The following DNAH8 variants were observed in gnomAD, a reference collection of about 807,000 sequenced individuals.
DNAH8 encodes dynein axonemal heavy chain 8.
In DNAH8, 382 loss-of-function variants were observed where a neutral mutation model predicts 562.1. That is an observed-to-expected ratio of 0.68 (90% CI 0.63 to 0.74). The LOEUF (loss-of-function observed/expected upper bound fraction) is 0.74. Ranked by LOEUF, DNAH8 falls within the 30% of genes least tolerant of loss-of-function variation. The probability of loss-of-function intolerance (pLI) is 0.00; values close to 1 mark genes in which losing one functional copy is unlikely to be tolerated. For synonymous variants in DNAH8, 1,881 were observed against 1,919.4 expected, an observed-to-expected ratio of 0.98 and a Z score of 0.52; for missense variants, 5,203 against 5,620.4, an observed-to-expected ratio of 0.93 and a Z score of 2.37.
chr6:39,030,219 A>G lies in DNAH8; in HGVS notation c.13951A>G (p.Ile4651Val), dbSNP rs139155514. The G allele has an allele frequency of 5.6e-6, 9 of 1,614,012 alleles. No homozygotes were observed. Among genetic ancestry groups the G allele is most frequent in the East Asian group, 2.2e-5 (1 of 44,890 alleles). Residue 4651 changes from isoleucine to valine, a missense_variant, in exon 93 of 93, where the codon ATC becomes GTC. Ile to Val is a conservative substitution (Grantham distance 29). Around this residue, in one of 6 missense-constraint regions of DNAH8, gnomAD observed 1,399 missense variants for 1,518.4 expected, o/e 0.92. Coordinates refer to ENST00000327475, the MANE Select transcript of DNAH8 (RefSeq NM_001206927.2). ...CTTCACGCAGTTACCCGTGCTCCAC[A>G]TCTTTGCCATTAACTCCACGGCACC... is the stretch of plus-strand genomic sequence containing the variant. Reference protein sequence around the residue: ...VLFTQLPVLHIFAINSTAPKD... With the variant: ...VLFTQLPVLHVFAINSTAPKD...
chr6:38,878,643 C>T (rs982852372), intron 53 of DNAH8, among the ~76,000 whole-genome samples: 1 of 152,158 alleles, frequency 6.6e-6, no homozygotes, highest in Non-Finnish European at 1.5e-5. Flanking sequence ...AACATCACTA[C>T]AGTCCTCACA....
chr6:38,867,532 C>T (rs1233972548), intron 47 of DNAH8, among the ~76,000 whole-genome samples: 3 of 150,304 alleles, frequency 2.0e-5, no homozygotes, highest in Non-Finnish European at 3.0e-5. Flanking sequence ...ATCATGAGGT[C>T]GGGAGATCGA....
At chr6:38,794,211 C>T (rs555375534) in intron 21 of DNAH8, among the ~76,000 whole-genome samples, 2 of 152,276 alleles carry the variant, frequency 1.3e-5, no homozygotes, top group Admixed American at 1.3e-4. Flanking sequence ...CACTCTTTCC[C>T]TGAGGGCCTA....
intron 61 of DNAH8, 32 bp downstream of exon 61, chr6:38,898,412 T>G (rs763839927): frequency 2.0e-6 from 3 of 1,499,968 alleles, no homozygotes; most frequent in Non-Finnish European, 2.7e-6. Context: ...CTGATATAAA[T>G]AGATGATTTA....
intron 7 of DNAH8, among the ~76,000 whole-genome samples, chr6:38,739,524 T>C (rs2127583466): frequency 6.6e-6 from 1 of 152,242 alleles, no homozygotes; most frequent in African/African-American, 2.4e-5. Flanking sequence ...AAATAGAACA[T>C]GGCTAGGCAT....
chr6:38,847,214 G>GT (rs1775370785), intron 36 of DNAH8, among the ~76,000 whole-genome samples: 1 of 152,132 alleles, frequency 6.6e-6, no homozygotes, highest in East Asian at 1.9e-4. Context: ...ACACAAAGTT[G>GT]TACAATGCAG....
chr6:38,937,500 G>A (rs1488898223), intron 77 of DNAH8, among the ~76,000 whole-genome samples: 1 of 152,186 alleles, frequency 6.6e-6, no homozygotes, highest in Non-Finnish European at 1.5e-5. Flanking sequence ...CTAAAGCAGT[G>A]TGAGGAGTGT....
At chr6:38,824,239 T>A (rs947794253) in intron 28 of DNAH8, among the ~76,000 whole-genome samples, 2 of 152,210 alleles carry the variant, frequency 1.3e-5, no homozygotes, top group Admixed American at 6.5e-5. Flanking sequence ...CAGGGCAGAC[T>A]GCTAGTCTCA....
rs1432139683 is a variant in DNAH8, at chr6:38,973,711, A to G, written c.12576A>G (p.Glu4192=). The G allele has an allele frequency of 1.2e-6, 2 of 1,608,480 alleles. No individual in the cohort carries two copies. Among genetic ancestry groups the G allele is most frequent in the South Asian group, 1.1e-5 (1 of 89,990 alleles). ...GCCACCTTGGCCTGGAATTCATGGAAGAATTACTAGAGACGCTAATTACCA... is the reference window on the plus strand; with the variant it reads ...GCCACCTTGGCCTGGAATTCATGGAGGAATTACTAGAGACGCTAATTACCA... The part of the protein sequence containing the change: ...QNCHLGLEFM[E]ELLETLITTE... Residue 4192 remains glutamate (E), a synonymous_variant, in exon 84 of 93, where the codon GAA becomes GAG. Transcript: ENST00000327475.
intron 53 of DNAH8, among the ~76,000 whole-genome samples, chr6:38,881,554 T>TTG (rs1054571227): frequency 4.7e-5 from 7 of 150,436 alleles, no homozygotes; most frequent in Non-Finnish European, 8.9e-5. Flanking sequence ...TCAATGTTTT[T>TTG]TTTTTTTTTT....
At chr6:38,843,189 T>C (rs1774973065) in intron 35 of DNAH8, among the ~76,000 whole-genome samples, 2 of 152,180 alleles carry the variant, frequency 1.3e-5, no homozygotes, top group Admixed American at 1.3e-4. Context: ...AAAAAATTTG[T>C]TTATTTATGT....
At chr6:38,913,561 GTTTCT>G (rs1781067381) in intron 66 of DNAH8, among the ~76,000 whole-genome samples, 2 of 152,102 alleles carry the variant, frequency 1.3e-5, no homozygotes, top group Admixed American at 1.3e-4. Context: ...TGTCAAATAA[GTTTCT>G]TGGCCAAACT....
At chr6:38,951,931 T>A (rs1761936279) in intron 82 of DNAH8, among the ~76,000 whole-genome samples, 1 of 152,350 alleles carries the variant, frequency 6.6e-6, no homozygotes, top group South Asian at 2.1e-4. Flanking sequence ...AGTTAGGGAT[T>A]AATTATTTCA....
At chr6:38,802,457 C>G (rs1770867949) in intron 21 of DNAH8, among the ~76,000 whole-genome samples, 2 of 152,200 alleles carry the variant, frequency 1.3e-5, no homozygotes, top group South Asian at 4.1e-4. Context: ...TGTCAAAAGA[C>G]TTATTGAACT....
intron 21 of DNAH8, among the ~76,000 whole-genome samples, chr6:38,797,281 C>T (rs1239599312): frequency 2.6e-5 from 4 of 151,982 alleles, no homozygotes; most frequent in African/African-American, 9.7e-5. Context: ...GCCTGTAATC[C>T]CAGTGAAAGG....
intron 26 of DNAH8, 118 bp downstream of exon 26, chr6:38,815,775 A>G (rs1772204062): frequency 1.3e-5 from 13 of 1,004,174 alleles, no homozygotes; most frequent in Middle Eastern, 2.5e-4. Context: ...AGTATGTTTC[A>G]TCTTAAACAT....
intron 18 of DNAH8, 47 bp downstream of exon 18, chr6:38,786,999 T>TAA: frequency 7.9e-7 from 1 of 1,270,978 alleles, no homozygotes; most frequent in Non-Finnish European, 1.1e-6. Flanking sequence ...AGTTTTTTGG[T>TAA]AAAAAAAATA....
chr6:38,760,315 C>T (rs1397938573), intron 10 of DNAH8, among the ~76,000 whole-genome samples: 2 of 152,152 alleles, frequency 1.3e-5, no homozygotes, highest in Non-Finnish European at 2.9e-5. Flanking sequence ...GAAGATATTG[C>T]TCAATCATTG....
intron 61 of DNAH8, among the ~76,000 whole-genome samples, chr6:38,899,006 T>C: frequency 6.6e-6 from 1 of 152,224 alleles, no homozygotes; most frequent in East Asian, 1.9e-4. Flanking sequence ...AATTTACACA[T>C]ACCAGGGTGT....
Sources: gnomAD v4.1 joint callset for allele counts (sites outside exome capture counted in the v4.1 genomes callset) on GRCh38, gnomAD v4.1.1 for gene constraint, gnomAD v4.1.1 regional missense constraint, MANE v1.5 for transcripts, NCBI Gene and HGNC (gene_info 2026-07-23, HGNC 2026-07-21) for gene names.